Variants in FAM107B observed in about 807,000 individuals in gnomAD.
FAM107B encodes the protein family with sequence similarity 107 member B.
Under a neutral mutation model 31.5 loss-of-function variants are expected in FAM107B, and 21 were observed. The observed-to-expected ratio is 0.67, with a 90% CI of 0.47 to 0.96. The LOEUF is 0.96. FAM107B is among the 40% of genes least tolerant of loss of function. The pLI is 0.00. For missense variants in FAM107B, 452 were observed against 377.1 expected (o/e 1.20, Z -1.64); for synonymous variants, 157 against 141.5 (o/e 1.11, Z -0.78).
chr10:14,747,711 C>T (rs1268290566), intron 1 of FAM107B, among the ~76,000 whole-genome samples: 2 of 152,176 alleles, frequency 1.3e-5, no homozygotes, highest in African/African-American at 4.8e-5. Flanking sequence ...CAAGCTAATG[C>T]CAGCAGGAAC....
intron 2 of FAM107B, among the ~76,000 whole-genome samples, chr10:14,633,359 C>A (rs551520677): frequency 2.0e-5 from 3 of 152,206 alleles, no homozygotes; most frequent in East Asian, 3.9e-4. Context: ...TACACATAGA[C>A]TCCTGGTTTT....
chr10:14,643,760 A>G (rs1853687485), intron 2 of FAM107B, among the ~76,000 whole-genome samples: 2 of 152,130 alleles, frequency 1.3e-5, no homozygotes, highest in Admixed American at 6.5e-5. Flanking sequence ...GTCATCCAGA[A>G]ACATCCTCAC....
chr10:14,551,333 C>T (rs1849242859), intron 2 of FAM107B, among the ~76,000 whole-genome samples: 2 of 152,014 alleles, frequency 1.3e-5, no homozygotes, highest in Non-Finnish European at 1.5e-5. Flanking sequence ...TCAGTAGAGA[C>T]GGGGTTTCAC....
At chr10:14,690,645 G>A (rs564893136) in intron 1 of FAM107B, among the ~76,000 whole-genome samples, 218 of 151,982 alleles carry the variant, frequency 1.4e-3, no homozygotes, top group Non-Finnish European at 2.6e-3. Context: ...GTAGAGACAG[G>A]GTTTCACCTT....
chr10:14,733,914 A>C (rs1043038535), intron 1 of FAM107B, among the ~76,000 whole-genome samples: 8 of 152,214 alleles, frequency 5.3e-5, no homozygotes, highest in Non-Finnish European at 8.8e-5. Flanking sequence ...TATTTTCAAC[A>C]AATGTCCTTG....
chr10:14,651,304 G>C (rs1564614311), intron 2 of FAM107B, among the ~76,000 whole-genome samples: 3 of 152,258 alleles, frequency 2.0e-5, no homozygotes, highest in African/African-American at 4.8e-5. Flanking sequence ...GCCATGTGTG[G>C]ATAAGATATA....
intron 2 of FAM107B, among the ~76,000 whole-genome samples, chr10:14,606,118 C>G (rs2131384953): frequency 6.6e-6 from 1 of 152,248 alleles, no homozygotes; most frequent in African/African-American, 2.4e-5. Context: ...TCGAAGCTCC[C>G]CAGCAAACAT....
At chr10:14,649,815 C>T (rs539683474) in intron 2 of FAM107B, among the ~76,000 whole-genome samples, 24 of 152,306 alleles carry the variant, frequency 1.6e-4, no homozygotes, top group South Asian at 4.1e-4. Context: ...ATATTTGGCT[C>T]GGAATACATC....
At chr10:14,640,330 G>C (rs1221313551) in intron 2 of FAM107B, among the ~76,000 whole-genome samples, 2 of 152,222 alleles carry the variant, frequency 1.3e-5, no homozygotes, top group African/African-American at 4.8e-5. Flanking sequence ...CCAGTGAAAT[G>C]AATGGGTGCA....
intron 1 of FAM107B, among the ~76,000 whole-genome samples, chr10:14,717,310 G>T (rs940508957): frequency 2.0e-5 from 3 of 152,114 alleles, no homozygotes; most frequent in South Asian, 2.1e-4. Flanking sequence ...AATCAGATCG[G>T]TGTGTGTGTA....
chr10:14,662,108 G>A (rs900324036), intron 2 of FAM107B, among the ~76,000 whole-genome samples: 2 of 152,126 alleles, frequency 1.3e-5, no homozygotes, highest in Admixed American at 1.3e-4. Context: ...CATAGCCCAG[G>A]TTCAGTTTTT....
At chr10:14,671,887 AAAAAAC>A (rs1854561860) in intron 1 of FAM107B, among the ~76,000 whole-genome samples, 1 of 148,334 alleles carries the variant, frequency 6.7e-6, no homozygotes, top group South Asian at 2.2e-4. Flanking sequence ...AAAAAAAACA[AAAAAAC>A]AAAAAAAAAA....
At chr10:14,675,109 C>T (rs1417699745) in intron 1 of FAM107B, among the ~76,000 whole-genome samples, 4 of 152,066 alleles carry the variant, frequency 2.6e-5, no homozygotes, top group Middle Eastern at 3.4e-3. Context: ...ATATTTTTTT[C>T]CTACACATGT....
intron 2 of FAM107B, among the ~76,000 whole-genome samples, chr10:14,573,025 A>AGAC (rs1193678870): frequency 1.3e-5 from 2 of 152,114 alleles, no homozygotes; most frequent in Non-Finnish European, 2.9e-5. Context: ...AGGCACATAT[A>AGAC]GACGCCCACT....
In FAM107B at chr10:14,570,233, G is replaced by GGTGGGTGTGT. The variant is rs768204428; in HGVS notation, c.470-39719_470-39718insACACACCCAC. Among the ~76,000 whole-genome samples, 1,060 of 140,422 alleles carry GGTGGGTGTGT rather than the reference G, an allele frequency of 7.5e-3. 12 individuals carry two copies. The highest frequency in any genetic ancestry group is 0.026 in the African/African-American group (986 of 37,432). The allele number at this position is 140,422 out of a possible 152,430, so 92.1% of individuals were successfully genotyped here. ...ACGTACCTACCAAAAAAATGTGGTGGGTGTGTGTGTGTGTGTGTGTGTGTG... is the reference window on the plus strand; with the variant it reads ...ACGTACCTACCAAAAAAATGTGGTGGGTGGGTGTGTGTGTGTGTGTGTGTGTGTGTGTGTG... On this transcript the variant is annotated intron_variant, in intron 2 of 4. Transcript: ENST00000181796.
intron 1 of FAM107B, among the ~76,000 whole-genome samples, chr10:14,685,843 T>G (rs1055529084): frequency 6.6e-6 from 1 of 152,186 alleles, no homozygotes; most frequent in African/African-American, 2.4e-5. Context: ...AGAGGTTTAA[T>G]GGACTCACAG....
chr10:14,526,915 G>A (rs10906690), intron 3 of FAM107B, among the ~76,000 whole-genome samples: 31,358 of 151,050 alleles, frequency 0.21, 3,671 homozygotes, highest in African/African-American at 0.31. Flanking sequence ...TCAGCTCACT[G>A]CAAGCTCCGC....
intron 1 of FAM107B, among the ~76,000 whole-genome samples, chr10:14,706,560 G>A (rs1037299264): frequency 8.5e-5 from 13 of 152,132 alleles, no homozygotes; most frequent in Admixed American, 2.6e-4. Context: ...TATGTTACAT[G>A]TATGTTTACC....
intron 2 of FAM107B, among the ~76,000 whole-genome samples, chr10:14,635,110 A>G (rs559305213): frequency 6.6e-6 from 1 of 151,408 alleles, no homozygotes; most frequent in South Asian, 2.1e-4. Context: ...GAAAAGAAAA[A>G]AAAAAAGGAA....
Sources: gnomAD v4.1 joint callset for allele counts (sites outside exome capture counted in the v4.1 genomes callset) on GRCh38, gnomAD v4.1.1 for gene constraint, MANE v1.5 for transcripts, NCBI Gene and HGNC (gene_info 2026-07-23, HGNC 2026-07-21) for gene names.